LNPEP: variants seen among roughly 807,000 people sequenced by gnomAD.
The protein encoded by LNPEP is leucyl and cystinyl aminopeptidase, also known as leucyl-cystinyl aminopeptidase.
Under a neutral mutation model 120.6 loss-of-function variants are expected in LNPEP, and 64 were observed. The ratio of observed to expected loss-of-function variants is 0.53; its 90% CI spans 0.43 to 0.65. The LOEUF (loss-of-function observed/expected upper bound fraction) is 0.65. Ranked by LOEUF, LNPEP falls within the 30% of genes least tolerant of loss-of-function variation. The pLI is 0.00. For synonymous variants in LNPEP, 435 were observed against 425.4 expected, an observed-to-expected ratio of 1.02 and a Z score of -0.28; for missense variants, 1,057 against 1,200.0, an observed-to-expected ratio of 0.88 and a Z score of 1.76.
chr5:97,009,303 C>T (rs886885298), intron 11 of LNPEP, among the ~76,000 whole-genome samples: 1 of 151,978 alleles, frequency 6.6e-6, no homozygotes, highest in Non-Finnish European at 1.5e-5. Flanking sequence ...ACATTCTCTA[C>T]TTCTCCACTC....
intron 2 of LNPEP, among the ~76,000 whole-genome samples, chr5:96,984,492 G>C (rs190801201): frequency 6.6e-6 from 1 of 152,230 alleles, no homozygotes; most frequent in African/African-American, 2.4e-5. Flanking sequence ...ATTGTTTGTG[G>C]AGGCCTGGGG....
intron 4 of LNPEP, among the ~76,000 whole-genome samples, chr5:96,987,755 C>G (rs1790276273): frequency 6.6e-6 from 1 of 152,172 alleles, no homozygotes; most frequent in African/African-American, 2.4e-5. Flanking sequence ...GATTGAAAGA[C>G]TTTATGTCAA....
intron 1 of LNPEP, among the ~76,000 whole-genome samples, chr5:96,970,192 G>T (rs936647680): frequency 4.6e-5 from 7 of 151,936 alleles, no homozygotes; most frequent in Admixed American, 4.6e-4. Context: ...GGTCAAATTA[G>T]TTAATAGTAT....
intron 1 of LNPEP, among the ~76,000 whole-genome samples, chr5:96,973,206 G>A (rs1789909297): frequency 6.6e-6 from 1 of 152,044 alleles, no homozygotes; most frequent in South Asian, 2.1e-4. Context: ...TAATTAACAG[G>A]AAGAGATTTT....
chr5:97,010,192 C>T (rs751477622), intron 11 of LNPEP: 9 of 790,810 alleles, frequency 1.1e-5, no homozygotes, highest in Non-Finnish European at 1.4e-5. Flanking sequence ...CCCTTTCTTC[C>T]TCCCTCTCTC....
intron 1 of LNPEP, among the ~76,000 whole-genome samples, chr5:96,961,531 A>G (rs1429008117): frequency 6.6e-6 from 1 of 152,150 alleles, no homozygotes; most frequent in Non-Finnish European, 1.5e-5. Flanking sequence ...AGCAATAGCT[A>G]TTTTTTAAAA....
intron 13 of LNPEP, among the ~76,000 whole-genome samples, chr5:97,016,917 T>C (rs775746342): frequency 2.0e-5 from 3 of 152,154 alleles, no homozygotes; most frequent in Non-Finnish European, 4.4e-5. Context: ...TGATAGACAT[T>C]TGCGTTATTT....
intron 1 of LNPEP, among the ~76,000 whole-genome samples, chr5:96,969,253 CTT>C (rs200779297): frequency 9.9e-5 from 14 of 142,016 alleles, no homozygotes; most frequent in East Asian, 4.0e-4. Context: ...AGAATGCTTG[CTT>C]TTTTTTTTTT....
At chr5:97,024,757 T>G in intron 15 of LNPEP, 75 bp downstream of exon 15, 1 of 1,343,416 alleles carries the variant, frequency 7.4e-7, no homozygotes, top group East Asian at 2.3e-5. Context: ...CAGGAGCTCA[T>G]TTTTGAGGGG....
At chr5:97,022,259 T>A in intron 13 of LNPEP, 41 bp from the exon 14 acceptor site, 1 of 1,225,266 alleles carries the variant, frequency 8.2e-7, no homozygotes, top group Non-Finnish European at 1.2e-6. Flanking sequence ...CTGATTGTCC[T>A]AATTATTATG....
intron 6 of LNPEP, among the ~76,000 whole-genome samples, chr5:96,995,330 T>C (rs1255179988): frequency 1.3e-5 from 2 of 152,224 alleles, no homozygotes; most frequent in Non-Finnish European, 2.9e-5. Flanking sequence ...GTCCTTTCGC[T>C]GCTGATTTGA....
At chr5:97,025,518 A>G (rs1269882558) in intron 15 of LNPEP, among the ~76,000 whole-genome samples, 1 of 152,216 alleles carries the variant, frequency 6.6e-6, no homozygotes, top group Non-Finnish European at 1.5e-5. Flanking sequence ...TGCCCATGAT[A>G]AAGAATTTAA....
At chr5:96,939,236 C>T (rs1166519637) in intron 1 of LNPEP, among the ~76,000 whole-genome samples, 1 of 137,546 alleles carries the variant, frequency 7.3e-6, no homozygotes, top group East Asian at 2.1e-4. Context: ...TTTTTTGAGA[C>T]ACAGTCTCAC....
intron 1 of LNPEP, among the ~76,000 whole-genome samples, chr5:96,944,376 A>G (rs989648403): frequency 1.1e-4 from 16 of 152,086 alleles, no homozygotes; most frequent in Non-Finnish European, 2.9e-5. Context: ...ACATGTGCCC[A>G]ACATGGTTGG....
chr5:96,980,391 A>G (rs999713435), intron 2 of LNPEP, among the ~76,000 whole-genome samples: 3 of 152,190 alleles, frequency 2.0e-5, no homozygotes, highest in African/African-American at 7.2e-5. Context: ...GAGGGCATGA[A>G]GAAGTGTGAA....
chr5:96,940,393 C>A (rs1321699722), intron 1 of LNPEP, among the ~76,000 whole-genome samples: 4 of 151,364 alleles, frequency 2.6e-5, no homozygotes, highest in Non-Finnish European at 5.9e-5. Flanking sequence ...ATACAGCTAT[C>A]TTTTGAATGC....
intron 2 of LNPEP, among the ~76,000 whole-genome samples, chr5:96,983,078 G>A (rs1305672875): frequency 6.6e-6 from 1 of 152,160 alleles, no homozygotes; most frequent in Non-Finnish European, 1.5e-5. Flanking sequence ...ACGTTGGGAT[G>A]TATGAGATGT....
At chr5:97,014,276 C>G (rs777722117) in intron 12 of LNPEP, among the ~76,000 whole-genome samples, 1 of 152,036 alleles carries the variant, frequency 6.6e-6, no homozygotes, top group South Asian at 2.1e-4. Context: ...AATCCCAAAG[C>G]CAAGGATGAC....
intron 8 of LNPEP, among the ~76,000 whole-genome samples, chr5:96,999,863 G>A (rs73139219): frequency 0.038 from 5,815 of 151,622 alleles, 365 homozygotes; most frequent in African/African-American, 0.13. Context: ...AGTATTGTGT[G>A]CAAGAAGGTA....
Sources: gnomAD v4.1 joint callset for allele counts (sites outside exome capture counted in the v4.1 genomes callset) on GRCh38, gnomAD v4.1.1 for gene constraint, MANE v1.5 for transcripts, NCBI Gene and HGNC (gene_info 2026-07-23, HGNC 2026-07-21) for gene names.